Variants in CDC14A observed in about 807,000 individuals in gnomAD.
CDC14A encodes the protein dual specificity protein phosphatase CDC14A.
In CDC14A, 53 loss-of-function variants were observed where a neutral mutation model predicts 74.4. That is an observed-to-expected ratio of 0.71 (90% CI 0.57 to 0.89). The LOEUF is 0.89. Among genes scored for constraint, CDC14A ranks in the 40% least tolerant of loss-of-function variants. CDC14A has a pLI of 0.00. For missense variants in CDC14A, 646 were observed against 713.7 expected, an observed-to-expected ratio of 0.91 and a Z score of 1.08; for synonymous variants, 247 against 258.4, an observed-to-expected ratio of 0.96 and a Z score of 0.43.
chr1:100,471,487 G>T (rs999402407), intron 10 of CDC14A, among the ~76,000 whole-genome samples: 2 of 152,046 alleles, frequency 1.3e-5, no homozygotes, highest in Non-Finnish European at 2.9e-5. Flanking sequence ...GAAAACCGAA[G>T]AATTTTTTTT....
intron 7 of CDC14A, among the ~76,000 whole-genome samples, chr1:100,455,136 G>A (rs1232746529): frequency 6.6e-6 from 1 of 152,000 alleles, no homozygotes; most frequent in African/African-American, 2.4e-5. Flanking sequence ...GCAGTGGCCA[G>A]GAAACAAACA....
In CDC14A at chr1:100,484,679, G is replaced by T. The variant is rs190050365; in HGVS notation, c.1137+228G>T. The T allele has an allele frequency of 5.7e-5, 64 of 1,117,172 alleles. No homozygotes were observed. In the African/African-American group the frequency reaches 9.9e-4, roughly 17 times the overall value. 69.2% of individuals were successfully genotyped at this position (1,117,172 alleles called of 1,614,324 possible). A position where few individuals can be genotyped will look rare whatever the true frequency, so the allele number is the denominator to read the frequency against. On this transcript the variant is annotated intron_variant, in intron 11 of 15. Transcript: ENST00000336454. ...AGTAAATTATAAAGGAGGCTACTCT[G>T]GTAAGGGGTAATATTTATAGAAAGG...
chr1:100,372,997 G>C (rs1367370815), intron 2 of CDC14A, among the ~76,000 whole-genome samples: 1 of 152,146 alleles, frequency 6.6e-6, no homozygotes, highest in Non-Finnish European at 1.5e-5. Context: ...TCATTCATAT[G>C]TTCACTGGGG....
chr1:100,487,657 G>T (rs1489044584), intron 11 of CDC14A, among the ~76,000 whole-genome samples: 1 of 152,214 alleles, frequency 6.6e-6, no homozygotes, highest in African/African-American at 2.4e-5. Context: ...CAACCAGAAT[G>T]TTGCAGGTCA....
intron 3 of CDC14A, 62 bp from the exon 4 acceptor site, chr1:100,390,670 C>T (rs1365350143): frequency 1.8e-5 from 19 of 1,040,698 alleles, no homozygotes; most frequent in African/African-American, 3.2e-5. Context: ...TGATGTTTGC[C>T]TTCTGTATAT....
intron 11 of CDC14A, among the ~76,000 whole-genome samples, chr1:100,487,718 G>A (rs1413818669): frequency 6.6e-6 from 1 of 152,186 alleles, no homozygotes; most frequent in African/African-American, 2.4e-5. Flanking sequence ...CCAACTTAGA[G>A]TTATGAGAAA....
chr1:100,465,509 G>T (rs1667714281), intron 9 of CDC14A, among the ~76,000 whole-genome samples: 1 of 152,112 alleles, frequency 6.6e-6, no homozygotes, highest in African/African-American at 2.4e-5. Context: ...CCCTAATTAA[G>T]TCAGCTTAGT....
intron 10 of CDC14A, among the ~76,000 whole-genome samples, chr1:100,470,275 AC>A (rs1668264391): frequency 6.6e-6 from 1 of 152,116 alleles, no homozygotes; most frequent in Non-Finnish European, 1.5e-5. Flanking sequence ...CTTTCAATAA[AC>A]TAGAAATAGA....
At chr1:100,428,946 G>T (rs910450009) in intron 5 of CDC14A, among the ~76,000 whole-genome samples, 1 of 152,018 alleles carries the variant, frequency 6.6e-6, no homozygotes, top group South Asian at 2.1e-4. Flanking sequence ...GGTGGCTCAC[G>T]CCTGTAATCC....
intron 11 of CDC14A, among the ~76,000 whole-genome samples, chr1:100,491,595 T>TTTTTTG (rs869284868): frequency 9.4e-5 from 12 of 128,302 alleles, no homozygotes; most frequent in African/African-American, 3.6e-4. Flanking sequence ...TTTTTTTTTT[T>TTTTTTG]GAGACAGTCT....
intron 1 of CDC14A, among the ~76,000 whole-genome samples, chr1:100,345,578 C>A (rs953659757): frequency 2.0e-5 from 3 of 152,132 alleles, no homozygotes; most frequent in Non-Finnish European, 4.4e-5. Context: ...CTACTCCAGG[C>A]TACAAAGTAA....
At chr1:100,492,351 C>T (rs966022361) in intron 11 of CDC14A, among the ~76,000 whole-genome samples, 2 of 152,194 alleles carry the variant, frequency 1.3e-5, no homozygotes, top group East Asian at 3.8e-4. Flanking sequence ...TCTGGACCCA[C>T]TTCCAAAGGG....
chr1:100,420,061 C>CATAT (rs1377818349), intron 4 of CDC14A, among the ~76,000 whole-genome samples: 41 of 61,780 alleles, frequency 6.6e-4, no homozygotes, highest in East Asian at 1.9e-3. Context: ...CACACACACA[C>CATAT]ACATATATAT....
intron 8 of CDC14A, among the ~76,000 whole-genome samples, chr1:100,460,284 G>A (rs1461801325): frequency 6.6e-6 from 1 of 152,126 alleles, no homozygotes; most frequent in Non-Finnish European, 1.5e-5. Flanking sequence ...TGTATACATC[G>A]TTTCTCTTAA....
At chr1:100,388,248 A>G (rs1200131306) in intron 3 of CDC14A, among the ~76,000 whole-genome samples, 2 of 152,234 alleles carry the variant, frequency 1.3e-5, no homozygotes, top group Admixed American at 1.3e-4. Flanking sequence ...TTAGGTCTGA[A>G]GAGCCTTTAT....
intron 4 of CDC14A, among the ~76,000 whole-genome samples, chr1:100,396,246 G>A (rs1036630923): frequency 1.3e-4 from 20 of 152,220 alleles, no homozygotes; most frequent in African/African-American, 4.8e-4. Context: ...TAGGGCCTAG[G>A]GGGTGGGCGT....
chr1:100,476,980 T>C (rs1037284526), intron 10 of CDC14A, among the ~76,000 whole-genome samples: 2 of 152,180 alleles, frequency 1.3e-5, no homozygotes, highest in Non-Finnish European at 2.9e-5. Context: ...GAAGCCGATG[T>C]GATGACTGAA....
In CDC14A at chr1:100,353,105, C is replaced by G; in HGVS notation, c.49+102C>G. 3.1e-6 allele frequency: 4 copies of G among 1,304,820 alleles called. 1 individual carries two copies. The South Asian group carries it at 4.9e-5, about 16-fold the overall frequency. 80.8% of individuals were successfully genotyped at this position (1,304,820 alleles called of 1,614,324 possible). A position where few individuals can be genotyped will look rare whatever the true frequency, so the allele number is the denominator to read the frequency against. On this transcript the variant is annotated intron_variant, in intron 1 of 15. Coordinates refer to ENST00000336454, the MANE Select transcript of CDC14A (RefSeq NM_003672.4). ...TTCTCCTGAGGCTGCCAGTGTCCTGCAGCCGCTGCGCGCGCTCTCGTCCCC... is the reference window on the plus strand; with the variant it reads ...TTCTCCTGAGGCTGCCAGTGTCCTGGAGCCGCTGCGCGCGCTCTCGTCCCC...
chr1:100,427,207 A>G (rs1055711565), intron 5 of CDC14A, among the ~76,000 whole-genome samples: 29 of 152,196 alleles, frequency 1.9e-4, no homozygotes, highest in African/African-American at 6.5e-4. Context: ...CTGCTGATAT[A>G]TTAACACTTT....
Sources: gnomAD v4.1 joint callset for allele counts (sites outside exome capture counted in the v4.1 genomes callset) on GRCh38, gnomAD v4.1.1 for gene constraint, MANE v1.5 for transcripts, NCBI Gene and HGNC (gene_info 2026-07-23, HGNC 2026-07-21) for gene names.